ATRNL1: variants seen among roughly 807,000 people sequenced by gnomAD.
ATRNL1 encodes the protein attractin-like protein 1.
Under a neutral mutation model 182.7 loss-of-function variants are expected in ATRNL1, and 95 were observed. The observed-to-expected ratio is 0.52, with a 90% CI of 0.44 to 0.62. The LOEUF (loss-of-function observed/expected upper bound fraction) is 0.62. ATRNL1 is among the 20% of genes least tolerant of loss of function. The probability of loss-of-function intolerance (pLI) is 0.00; values close to 1 mark genes in which losing one functional copy is unlikely to be tolerated. For missense variants in ATRNL1, 1,471 were observed against 1,679.5 expected, an observed-to-expected ratio of 0.88 and a Z score of 2.17; for synonymous variants, 576 against 568.3, an observed-to-expected ratio of 1.01 and a Z score of -0.19.
At chr10:115,630,607 T>C (rs943751691) in intron 26 of ATRNL1, among the ~76,000 whole-genome samples, 4 of 151,104 alleles carry the variant, frequency 2.6e-5, no homozygotes, top group African/African-American at 9.7e-5. Context: ...AACAACCCAT[T>C]TGTCCATTGA....
intron 20 of ATRNL1, among the ~76,000 whole-genome samples, chr10:115,410,928 G>C (rs1432308411): frequency 1.3e-5 from 2 of 150,894 alleles, no homozygotes; most frequent in African/African-American, 4.9e-5. Context: ...AGTAGAGACA[G>C]GGTTTTACCA....
chr10:115,216,996 C>A (rs782264088), intron 9 of ATRNL1, among the ~76,000 whole-genome samples: 4 of 151,730 alleles, frequency 2.6e-5, no homozygotes, highest in Admixed American at 6.6e-5. Context: ...GTAAATTTTT[C>A]TCTGACATTT....
At chr10:115,462,226 C>T (rs1847838912) in intron 22 of ATRNL1, among the ~76,000 whole-genome samples, 191 bp downstream of exon 22, 1 of 151,962 alleles carries the variant, frequency 6.6e-6, no homozygotes, top group South Asian at 2.1e-4. Context: ...TTGCAAATAG[C>T]CCTATATTTT....
At chr10:115,427,781 T>A (rs1264940329) in intron 21 of ATRNL1, among the ~76,000 whole-genome samples, 1 of 152,094 alleles carries the variant, frequency 6.6e-6, no homozygotes, top group Non-Finnish European at 1.5e-5. Context: ...CTTTAATCTA[T>A]TTGCTTATTT....
chr10:115,122,477 C>T (rs1554871971), intron 3 of ATRNL1, among the ~76,000 whole-genome samples: 1 of 151,808 alleles, frequency 6.6e-6, no homozygotes, highest in Non-Finnish European at 1.5e-5. Flanking sequence ...TATAATTTAA[C>T]ATGATTGTTG....
chr10:115,532,117 T>C (rs1851629719), intron 25 of ATRNL1, among the ~76,000 whole-genome samples: 1 of 151,818 alleles, frequency 6.6e-6, no homozygotes, highest in African/African-American at 2.4e-5. Context: ...TGCGGGCTCT[T>C]TTTTGGTTCC....
intron 19 of ATRNL1, among the ~76,000 whole-genome samples, chr10:115,380,190 C>G (rs955274350): frequency 6.6e-6 from 1 of 152,060 alleles, no homozygotes; most frequent in South Asian, 2.1e-4. Context: ...TCTTAGAAAC[C>G]TTTCTAGTAC....
At chr10:115,158,731 T>G (rs1282934169) in intron 5 of ATRNL1, among the ~76,000 whole-genome samples, 1 of 151,906 alleles carries the variant, frequency 6.6e-6, no homozygotes, top group African/African-American at 2.4e-5. Context: ...AGTTTTAAAA[T>G]TTTGTTATTA....
intron 26 of ATRNL1, among the ~76,000 whole-genome samples, chr10:115,692,760 T>C (rs1946433190): frequency 6.6e-6 from 1 of 152,062 alleles, no homozygotes; most frequent in Non-Finnish European, 1.5e-5. Flanking sequence ...ATAAATAATA[T>C]GTAGAAAATA....
At chr10:115,498,532 C>T (rs1849663281) in intron 24 of ATRNL1, among the ~76,000 whole-genome samples, 1 of 151,876 alleles carries the variant, frequency 6.6e-6, no homozygotes, top group South Asian at 2.1e-4. Context: ...TTGTGGGGTA[C>T]CTAATAAATC....
intron 28 of ATRNL1, among the ~76,000 whole-genome samples, chr10:115,899,556 C>A (rs1555113241): frequency 6.6e-6 from 1 of 152,136 alleles, no homozygotes; most frequent in African/African-American, 2.4e-5. Flanking sequence ...GATCTGCCCA[C>A]CTCAGCCTCC....
rs149534237 is a variant in ATRNL1, at chr10:115,097,015, TTGAA to T, written c.293+2976_293+2979del. Among the ~76,000 whole-genome samples, 998 of 152,324 alleles carry T rather than the reference TTGAA, an allele frequency of 6.6e-3. 12 individuals are homozygous for T. Among genetic ancestry groups the T allele is most frequent in the African/African-American group, 0.023 (944 of 41,576 alleles). ...AAGAAAATATTCTGCTATAATCTATTTGAATGACGTTCTCTTTTAGAAGGGAGCC... is the reference window on the plus strand; with the variant it reads ...AAGAAAATATTCTGCTATAATCTATTTGACGTTCTCTTTTAGAAGGGAGCC... On this transcript the variant is annotated intron_variant, in intron 1 of 28. Transcript: ENST00000355044.
At chr10:115,403,301 A>G (rs1366128760) in intron 20 of ATRNL1, among the ~76,000 whole-genome samples, 2 of 124,986 alleles carry the variant, frequency 1.6e-5, no homozygotes, top group Non-Finnish European at 3.2e-5. Context: ...GGAAAAGTAC[A>G]TCTTTTCTCT....
intron 28 of ATRNL1, among the ~76,000 whole-genome samples, chr10:115,929,204 A>G (rs1953323840): frequency 6.6e-6 from 1 of 151,942 alleles, no homozygotes; most frequent in African/African-American, 2.4e-5. Context: ...AAATTTATAG[A>G]TGCTATGTTT....
chr10:115,636,175 G>C (rs782054237), intron 26 of ATRNL1, among the ~76,000 whole-genome samples: 5 of 152,120 alleles, frequency 3.3e-5, no homozygotes, highest in Admixed American at 6.5e-5. Context: ...GTTCCGTGCA[G>C]GTAGGCAACC....
chr10:115,740,313 A>G (rs1948098057), intron 27 of ATRNL1, among the ~76,000 whole-genome samples: 1 of 152,116 alleles, frequency 6.6e-6, no homozygotes, highest in Non-Finnish European at 1.5e-5. Flanking sequence ...TTATATTATT[A>G]TATGTCTTTT....
chr10:115,781,145 CACAATGCAAT>C (rs1555079225), intron 27 of ATRNL1, among the ~76,000 whole-genome samples: 1 of 152,036 alleles, frequency 6.6e-6, no homozygotes. Flanking sequence ...AAATTGAAAC[CACAATGCAAT>C]GCCATTACAT....
In ATRNL1 at chr10:115,194,997, C is replaced by G. The variant is rs561908365; in HGVS notation, c.1349-20700C>G. 5.9e-5 allele frequency among the ~76,000 whole-genome samples: 9 copies of G among 151,896 alleles called. No individual in the cohort carries two copies. The South Asian group carries it at 1.7e-3, about 28-fold the overall frequency. ...AAGCAAATAAAAAACTAAAAAAGCT[C>G]TATACATTCTTTTTGGCTTTGGACT... is the stretch of plus-strand genomic sequence containing the variant. On this transcript the variant is annotated intron_variant, in intron 8 of 28. Transcript: ENST00000355044.
At chr10:115,771,634 A>C (rs1555076431) in intron 27 of ATRNL1, among the ~76,000 whole-genome samples, 2 of 152,180 alleles carry the variant, frequency 1.3e-5, no homozygotes, top group East Asian at 3.8e-4. Context: ...CATGAGTCTA[A>C]TATACCAGCG....
Sources: allele counts gnomAD v4.1 joint callset (sites outside exome capture counted in the v4.1 genomes callset), GRCh38; gene constraint gnomAD v4.1.1; transcripts MANE v1.5; gene names NCBI Gene and HGNC (gene_info 2026-07-23, HGNC 2026-07-21).